Variants in GLIS1 observed in about 807,000 individuals in gnomAD.
GLIS1 encodes GLIS family zinc finger 1, also known as zinc finger protein GLIS1.
GLIS1 carries 24 observed loss-of-function variants against 63.8 expected under a neutral mutation model. The ratio of observed to expected loss-of-function variants is 0.38; its 90% CI spans 0.27 to 0.53. The LOEUF (loss-of-function observed/expected upper bound fraction) is 0.53. Among genes scored for constraint, GLIS1 ranks in the 20% least tolerant of loss-of-function variants. The pLI is 0.85. For missense variants in GLIS1, 1,036 were observed against 1,074.1 expected (o/e 0.96, Z 0.50); for synonymous variants, 450 against 482.5 (o/e 0.93, Z 0.88).
chr1:53,627,457 T>G (rs1005667225), intron 2 of GLIS1, among the ~76,000 whole-genome samples: 4 of 152,078 alleles, frequency 2.6e-5, no homozygotes, highest in African/African-American at 9.7e-5. Context: ...AGCTCCGATT[T>G]TTTTCCCCCA....
At chr1:53,616,115 A>G (rs776614755) in intron 2 of GLIS1, among the ~76,000 whole-genome samples, 5 of 152,100 alleles carry the variant, frequency 3.3e-5, no homozygotes. Flanking sequence ...TGATCCCACA[A>G]ATCTGTCATG....
chr1:53,737,405 A>T (rs1212908404), intron 2 of GLIS1, among the ~76,000 whole-genome samples: 2 of 152,230 alleles, frequency 1.3e-5, no homozygotes, highest in Non-Finnish European at 2.9e-5. Flanking sequence ...GTCTTGCTAA[A>T]GGCCTCTGGG....
At chr1:53,729,128 T>G (rs1430586359) in intron 2 of GLIS1, among the ~76,000 whole-genome samples, 3 of 152,224 alleles carry the variant, frequency 2.0e-5, no homozygotes, top group Non-Finnish European at 4.4e-5. Flanking sequence ...GGAAAGATTT[T>G]TGTCCTTATA....
At chr1:53,709,624 C>T (rs1378130134) in intron 2 of GLIS1, among the ~76,000 whole-genome samples, 1 of 152,016 alleles carries the variant, frequency 6.6e-6, no homozygotes, top group Non-Finnish European at 1.5e-5. Flanking sequence ...TTCATATTTA[C>T]TCTCCGATCT....
intron 2 of GLIS1, among the ~76,000 whole-genome samples, chr1:53,659,872 G>A (rs1646007424): frequency 6.6e-6 from 1 of 152,192 alleles, no homozygotes; most frequent in South Asian, 2.1e-4. Context: ...ATCCCATTGT[G>A]CTTCAAGGGC....
chr1:53,633,010 G>C (rs1327903131), intron 2 of GLIS1, among the ~76,000 whole-genome samples: 1 of 148,954 alleles, frequency 6.7e-6, no homozygotes, highest in African/African-American at 2.5e-5. Flanking sequence ...TGAGGGGTGT[G>C]AATGAGTGTG....
chr1:53,594,530 C>G lies in GLIS1; in HGVS notation c.898G>C (p.Ala300Pro). ...GPSKRARPGP[A>P]STDSHEGSLQ... ...CTGCCCTCATGGCTGTCCGTCGATGCAGGGCCAGGCCGGGCCCGCTTGGAA... is the reference window on the plus strand; with the variant it reads ...CTGCCCTCATGGCTGTCCGTCGATGGAGGGCCAGGCCGGGCCCGCTTGGAA... The change falls in exon 4 of 11, where the codon GCA becomes CCA. Residue 300 changes from alanine to proline, a missense_variant. Ala to Pro is a conservative substitution (Grantham distance 27, BLOSUM62 -1). This residue lies in a region of GLIS1 where 592 missense variants were observed against 593.9 expected (regional missense o/e 1.00). Transcript: ENST00000628545. The G allele has an allele frequency of 6.2e-7, 1 of 1,610,398 alleles. No homozygotes were observed. Among genetic ancestry groups the G allele is most frequent in the Non-Finnish European group, 8.5e-7 (1 of 1,177,896 alleles).
chr1:53,644,117 C>A (rs2100300128), intron 2 of GLIS1, among the ~76,000 whole-genome samples: 1 of 152,280 alleles, frequency 6.6e-6, no homozygotes, highest in Non-Finnish European at 1.5e-5. Flanking sequence ...TACAAGACAC[C>A]ATTTAGGGTC....
intron 4 of GLIS1, among the ~76,000 whole-genome samples, chr1:53,571,087 G>A (rs1470428573): frequency 1.3e-4 from 19 of 151,988 alleles, no homozygotes; most frequent in Admixed American, 1.2e-3. Flanking sequence ...ACAACCAATA[G>A]AAAAATGGGC....
At position 53,715,727 on chromosome 1, in the gene GLIS1, G is replaced by A. The variant is rs541166599; in HGVS notation, c.259+22079C>T. On this transcript the variant is annotated intron_variant, in intron 2 of 10. Transcript: ENST00000628545. ...AGGGCCCACCAGGAATGGTCACTGT[G>A]CCTAATGTTACTGAGAGGACGAGTG... is the stretch of plus-strand genomic sequence containing the variant. Among the ~76,000 whole-genome samples, 97 of 152,236 alleles carry A rather than the reference G, an allele frequency of 6.4e-4. 1 individual carries two copies. The highest frequency in any genetic ancestry group is 4.3e-3 in the Admixed American group (66 of 15,302).
chr1:53,671,160 C>T (rs1646146577), intron 2 of GLIS1, among the ~76,000 whole-genome samples: 1 of 152,152 alleles, frequency 6.6e-6, no homozygotes, highest in African/African-American at 2.4e-5. Flanking sequence ...ATCTCATTTT[C>T]AGTTACTGCT....
chr1:53,685,379 G>A (rs148928988), intron 2 of GLIS1, among the ~76,000 whole-genome samples: 2 of 152,296 alleles, frequency 1.3e-5, no homozygotes, highest in East Asian at 3.9e-4. Flanking sequence ...GCGCTGCCGG[G>A]CGCGATCTGT....
At chr1:53,588,411 A>G (rs941124) in intron 4 of GLIS1, among the ~76,000 whole-genome samples, 7,391 of 152,176 alleles carry the variant, frequency 0.049, 572 homozygotes, top group East Asian at 0.39. Context: ...ACCTTCCCCA[A>G]CTTTCGATTA....
intron 4 of GLIS1, among the ~76,000 whole-genome samples, chr1:53,573,967 C>A (rs1645008799): frequency 6.6e-6 from 1 of 152,226 alleles, no homozygotes; most frequent in Non-Finnish European, 1.5e-5. Flanking sequence ...ATTCCATGCA[C>A]TACAAATGGT....
chr1:53,630,257 AC>A (rs1193557433), intron 2 of GLIS1, among the ~76,000 whole-genome samples: 6 of 152,216 alleles, frequency 3.9e-5, no homozygotes, highest in Non-Finnish European at 7.3e-5. Flanking sequence ...CTGTTGTTAG[AC>A]ATTGAGGTTG....
chr1:53,623,364 G>A (rs1371688248), intron 2 of GLIS1, among the ~76,000 whole-genome samples: 2 of 152,020 alleles, frequency 1.3e-5, no homozygotes, highest in African/African-American at 4.8e-5. Context: ...AAAATTCTCA[G>A]CATACTAGAA....
At chr1:53,547,174 C>T (rs1052727296) in intron 4 of GLIS1, among the ~76,000 whole-genome samples, 6 of 152,232 alleles carry the variant, frequency 3.9e-5, no homozygotes, top group Admixed American at 2.0e-4. Context: ...TGTTAGAGGA[C>T]GTCTACCCAT....
intron 2 of GLIS1, among the ~76,000 whole-genome samples, chr1:53,627,114 A>C (rs1645603012): frequency 6.6e-6 from 1 of 152,182 alleles, no homozygotes; most frequent in Admixed American, 6.5e-5. Flanking sequence ...ATACAGCCCC[A>C]GTTAGCATGA....
intron 4 of GLIS1, among the ~76,000 whole-genome samples, chr1:53,566,660 T>A (rs1557454194): frequency 6.6e-6 from 1 of 152,184 alleles, no homozygotes; most frequent in Non-Finnish European, 1.5e-5. Context: ...TGGGGTAGAT[T>A]TCCCCCTTGC....
Sources: gnomAD v4.1 joint callset for allele counts (sites outside exome capture counted in the v4.1 genomes callset) on GRCh38, gnomAD v4.1.1 for gene constraint, gnomAD v4.1.1 regional missense constraint, MANE v1.5 for transcripts, NCBI Gene and HGNC (gene_info 2026-07-23, HGNC 2026-07-21) for gene names.